The following CD163L1 variants were observed in gnomAD, a reference collection of about 807,000 sequenced individuals.
The protein encoded by CD163L1 is CD163 molecule like 1.
A neutral mutation model predicts 165.4 loss-of-function variants in CD163L1; 124 were observed. The observed-to-expected ratio is 0.75, with a 90% CI of 0.65 to 0.87. The LOEUF (loss-of-function observed/expected upper bound fraction) is 0.87. Among genes scored for constraint, CD163L1 ranks in the 40% least tolerant of loss-of-function variants. CD163L1 has a pLI of 0.00. For missense variants in CD163L1, 1,525 were observed against 1,799.9 expected, an observed-to-expected ratio of 0.85 and a Z score of 2.76; for synonymous variants, 585 against 662.2, an observed-to-expected ratio of 0.88 and a Z score of 1.79.
intron 1 of CD163L1, among the ~76,000 whole-genome samples, chr12:7,441,853 T>G (rs992145673): frequency 6.6e-6 from 1 of 152,206 alleles, no homozygotes; most frequent in African/African-American, 2.4e-5. Flanking sequence ...GGGTCACTAT[T>G]CTATTATTCC....
chr12:7,332,011 T>A, the CD163L1 span, among the ~76,000 whole-genome samples: 1 of 151,972 alleles, frequency 6.6e-6, no homozygotes, highest in Non-Finnish European at 1.5e-5. Context: ...TTCGAACCAA[T>A]GGCAAAGAAG....
the CD163L1 span, among the ~76,000 whole-genome samples, chr12:7,325,542 G>T: frequency 2.0e-5 from 3 of 152,148 alleles, no homozygotes; most frequent in Non-Finnish European, 4.4e-5. Context: ...AGCTACTTAG[G>T]AGGCTGAGGC....
chr12:7,390,637 T>C (rs930766739), intron 8 of CD163L1, among the ~76,000 whole-genome samples: 6 of 152,120 alleles, frequency 3.9e-5, no homozygotes, highest in Admixed American at 1.3e-4. Flanking sequence ...CTACCTACAT[T>C]AAAAGGGAGA....
At chr12:7,320,392 A>G in the CD163L1 span, among the ~76,000 whole-genome samples, 3 of 152,244 alleles carry the variant, frequency 2.0e-5, no homozygotes, top group African/African-American at 7.2e-5. Context: ...GGAGGTTACA[A>G]GATTACACTA....
chr12:7,440,318 A>T (rs1393291597), intron 2 of CD163L1, among the ~76,000 whole-genome samples: 1 of 151,278 alleles, frequency 6.6e-6, no homozygotes, highest in East Asian at 1.9e-4. Flanking sequence ...CCGGGCAGGG[A>T]CCTGGAGCCG....
chr12:7,418,130 A>AT (rs1303140832), intron 4 of CD163L1, among the ~76,000 whole-genome samples: 1 of 152,090 alleles, frequency 6.6e-6, no homozygotes, highest in Non-Finnish European at 1.5e-5. Flanking sequence ...ACTATATGTT[A>AT]TGCCACAAAA....
chr12:7,367,359 T>C (rs1251392549), intron 17 of CD163L1, 28 bp from the exon 18 acceptor site: 1 of 1,434,540 alleles, frequency 7.0e-7, no homozygotes, highest in South Asian at 1.2e-5. Flanking sequence ...ATGGTTAGGA[T>C]TCAAATTCAA....
At chr12:7,425,558 G>C (rs1325345066) in intron 4 of CD163L1, among the ~76,000 whole-genome samples, 1 of 152,056 alleles carries the variant, frequency 6.6e-6, no homozygotes, top group Non-Finnish European at 1.5e-5. Context: ...TACAGAATGG[G>C]AGAAAATTTT....
chr12:7,351,170 A>G, downstream of CD163L1, among the ~76,000 whole-genome samples: 1 of 152,280 alleles, frequency 6.6e-6, no homozygotes, highest in South Asian at 2.1e-4. Flanking sequence ...GATATACATC[A>G]ATACATATAG....
At chr12:7,388,057 G>A (rs1266213875) in intron 8 of CD163L1, among the ~76,000 whole-genome samples, 1 of 152,068 alleles carries the variant, frequency 6.6e-6, no homozygotes, top group Non-Finnish European at 1.5e-5. Context: ...AATGATGCTG[G>A]GAAGACTGGA....
At chr12:7,389,094 T>A (rs12099587) in intron 8 of CD163L1, among the ~76,000 whole-genome samples, 12,193 of 152,260 alleles carry the variant, frequency 0.08, 575 homozygotes, top group Middle Eastern at 0.15. Context: ...TTTGATACAT[T>A]GATTTCCTTT....
rs968954536 is a variant in CD163L1 at position 7,432,438 on chromosome 12, C to G, written c.744G>C (p.Glu248Asp). 2 of 1,612,958 alleles carry G rather than the reference C, an allele frequency of 1.2e-6. No homozygotes were observed. The highest frequency in any genetic ancestry group is 1.7e-6 in the Non-Finnish European group (2 of 1,179,226). ...GWGNHDCSHNEDVTLTCYDSS... is the reference protein window; with the variant it reads ...GWGNHDCSHNDDVTLTCYDSS... ...TACCATAACAAGTTAATGTGACATC[C>G]TCATTGTGACTGCAGTCATGATTTC... The change falls in exon 4 of 20, where the codon GAG (glutamate) becomes GAC (aspartate). Residue 248 changes from glutamate to aspartate, a missense_variant. Physicochemically the swap from Glu to Asp is conservative, Grantham distance 45. Coordinates refer to ENST00000313599, the MANE Select transcript of CD163L1 (RefSeq NM_174941.6). This position sits in a 1 kb window ranked among gnomAD's most constrained non-coding sequence, Gnocchi z 4.2.
At chr12:7,423,272 T>C (rs1948473381) in intron 4 of CD163L1, among the ~76,000 whole-genome samples, 1 of 152,194 alleles carries the variant, frequency 6.6e-6, no homozygotes, top group Non-Finnish European at 1.5e-5. Flanking sequence ...TGAAGTTCCT[T>C]GAAACCAATG....
At position 7,398,681 on chromosome 12, in the gene CD163L1, C is replaced by A. The variant is rs1405985147; in HGVS notation, c.1409-97G>T. 3.9e-6 allele frequency: 4 copies of A among 1,034,368 alleles called. No homozygotes were observed. Among genetic ancestry groups the A allele is most frequent in the Admixed American group, 3.1e-5 (1 of 32,232 alleles). The allele number at this position is 1,034,368 out of a possible 1,614,324, so 64.1% of individuals were successfully genotyped here. On this transcript the variant is annotated intron_variant, in intron 6 of 19. Coordinates refer to ENST00000313599, the MANE Select transcript of CD163L1 (RefSeq NM_174941.6). This position sits in a 1 kb window ranked among gnomAD's most constrained non-coding sequence, Gnocchi z 4.5. ...TAAATTCACGACTATAAGGCTTTGC[C>A]TAACAGGTGATATATTAGGCACACT...
chr12:7,439,430 C>A, intron 2 of CD163L1: 1 of 1,592,326 alleles, frequency 6.3e-7, no homozygotes, highest in Non-Finnish European at 8.5e-7. Context: ...AAGGAGCTCT[C>A]CAGGTCTGGT....
intron 8 of CD163L1, among the ~76,000 whole-genome samples, chr12:7,394,184 A>T (rs1305815723): frequency 6.6e-6 from 1 of 152,182 alleles, no homozygotes; most frequent in Non-Finnish European, 1.5e-5. Flanking sequence ...ATGCTACCTG[A>T]CTTCAAACTA....
Position 7,432,105 on chromosome 12 carries a change from A to G in CD163L1, c.766+311T>C, listed in dbSNP as rs1249559941. 2.0e-5 allele frequency among the ~76,000 whole-genome samples: 3 copies of G among 152,198 alleles called. No homozygotes were observed. Among genetic ancestry groups the G allele is most frequent in the Non-Finnish European group, 4.4e-5 (3 of 68,044 alleles). ...TAAGAATGAGTGACCTCAGAGAAAG[A>G]AGGGAAAAATATGATATTGTGTCAA... On this transcript the variant is annotated intron_variant, in intron 4 of 19. Coordinates refer to ENST00000313599, the MANE Select transcript of CD163L1 (RefSeq NM_174941.6). The surrounding 1 kb of genome is among the most constrained non-coding windows in gnomAD (Gnocchi z 4.2).
chr12:7,369,817 C>A lies in CD163L1; in HGVS notation c.3731-152G>T. 2 of 679,096 alleles carry A rather than the reference C, an allele frequency of 2.9e-6. No homozygotes were observed. Among genetic ancestry groups the A allele is most frequent in the South Asian group, 1.9e-5 (1 of 52,196 alleles). The allele number at this position is 679,096 out of a possible 1,614,324, so 42.1% of individuals were successfully genotyped here. A position where few individuals can be genotyped will look rare whatever the true frequency, so the allele number is the denominator to read the frequency against. On this transcript the variant is annotated intron_variant, in intron 14 of 19. Coordinates refer to ENST00000313599, the MANE Select transcript of CD163L1 (RefSeq NM_174941.6). This position sits in a 1 kb window ranked among gnomAD's most constrained non-coding sequence, Gnocchi z 4.9. ...CAATGTTACATAGATTAGACAAGAACCTGTGAAGTGAATAAACCCCTATAC... is the reference window on the plus strand; with the variant it reads ...CAATGTTACATAGATTAGACAAGAAACTGTGAAGTGAATAAACCCCTATAC...
chr12:7,389,769 G>A (rs1214830735), intron 8 of CD163L1, among the ~76,000 whole-genome samples: 1 of 151,528 alleles, frequency 6.6e-6, no homozygotes. Context: ...AATGTCTCGT[G>A]TACTCCATAA....
Sources: gnomAD v4.1 joint callset for allele counts (sites outside exome capture counted in the v4.1 genomes callset) on GRCh38, gnomAD v4.1.1 for gene constraint, Gnocchi (gnomAD v3.1) non-coding constraint, MANE v1.5 for transcripts, NCBI Gene and HGNC (gene_info 2026-07-23, HGNC 2026-07-21) for gene names.